The following SMTNL2 variants were observed in gnomAD, a reference collection of about 807,000 sequenced individuals.
The protein encoded by SMTNL2 is smoothelin like 2, also known as smoothelin-like protein 2.
A neutral mutation model predicts 44.1 loss-of-function variants in SMTNL2; 43 were observed. The ratio of observed to expected loss-of-function variants is 0.98; its 90% CI spans 0.76 to 1.26. The LOEUF is 1.26. Ranked by LOEUF, SMTNL2 falls within the 50% of genes most tolerant of loss-of-function variation. The pLI is 0.00. For synonymous variants in SMTNL2, 317 were observed against 287.6 expected (o/e 1.10, Z -1.03); for missense variants, 646 against 670.2 (o/e 0.96, Z 0.40).
chr17:4,602,946 G>A (rs1246996920), intron 7 of SMTNL2, among the ~76,000 whole-genome samples: 1 of 152,198 alleles, frequency 6.6e-6, no homozygotes, highest in Non-Finnish European at 1.5e-5. Context: ...CAACAGTGGG[G>A]ACCATATGGA....
chr17:4,589,387 T>C (rs1391548809), intron 1 of SMTNL2, among the ~76,000 whole-genome samples: 1 of 151,988 alleles, frequency 6.6e-6, no homozygotes, highest in Non-Finnish European at 1.5e-5. Context: ...CTGGTGACTG[T>C]GGGGGCCGGG....
Position 4,595,426 on chromosome 17 carries a change from G to A in SMTNL2, c.989+99G>A. 5 of 1,461,838 alleles carry A rather than the reference G, an allele frequency of 3.4e-6. No individual in the cohort carries two copies. Among genetic ancestry groups the A allele is most frequent in the Non-Finnish European group, 4.6e-6 (5 of 1,087,014 alleles). 90.6% of individuals were successfully genotyped at this position (1,461,838 alleles called of 1,614,324 possible). On this transcript the variant is annotated intron_variant, in intron 5 of 7. Transcript: ENST00000389313. This position sits in a 1 kb window ranked among gnomAD's most constrained non-coding sequence, Gnocchi z 5.1. ...GCAGGGCAAGGTTCAGCCCTGTCCT[G>A]TTCCCCAGGGCGCTGTTGCCCAGGA...
rs1909262968 is a variant in SMTNL2, at chr17:4,584,600, T to G, written c.-6T>G. The stretch of plus-strand genomic sequence containing the variant: ...CCCGCTCTCGACCCGCGCGCTCTGC[T>G]GGGCCATGGAGCCGGCCCCCGACGC... On this transcript the variant is annotated 5_prime_UTR_variant, in exon 1 of 8. Transcript: ENST00000389313. 8.1e-7 allele frequency: 1 copy of G among 1,233,826 alleles called. No homozygotes were observed. Among genetic ancestry groups the G allele is most frequent in the Non-Finnish European group, 1.0e-6 (1 of 988,992 alleles). The allele number at this position is 1,233,826 out of a possible 1,614,324, so 76.4% of individuals were successfully genotyped here.
intron 1 of SMTNL2, among the ~76,000 whole-genome samples, chr17:4,590,868 C>T (rs1909543533): frequency 6.6e-6 from 1 of 152,318 alleles, no homozygotes; most frequent in East Asian, 1.9e-4. Flanking sequence ...TTGTCTAAGG[C>T]GTCAAGTACC....
intron 1 of SMTNL2, among the ~76,000 whole-genome samples, chr17:4,587,733 C>T (rs74926016): frequency 0.032 from 4,949 of 152,316 alleles, 239 homozygotes; most frequent in African/African-American, 0.11. Flanking sequence ...TCCTTTCAAA[C>T]TGGGGACTGA....
At chr17:4,603,177 C>T (rs755993146) in intron 7 of SMTNL2, among the ~76,000 whole-genome samples, 11 of 152,090 alleles carry the variant, frequency 7.2e-5, no homozygotes, top group South Asian at 6.2e-4. Flanking sequence ...GGACAACACC[C>T]GGAAAATGCC....
rs368707338 is a variant in SMTNL2, at chr17:4,593,170, C to A, written c.729C>A (p.Ser243Arg). 1.8e-5 allele frequency: 28 copies of A among 1,595,664 alleles called. No individual in the cohort carries two copies. The highest frequency in any genetic ancestry group is 1.0e-4 in the South Asian group (9 of 89,520). The stretch of plus-strand genomic sequence containing the variant: ...TCACGCCCTGGACTCCCAGTCCTAG[C>A]GGTATGAGCTGGAGAGCGTGGCCTT... Reference protein sequence around the residue: ...EVITPWTPSPSEKNSSFTWSV... With the variant: ...EVITPWTPSPREKNSSFTWSV... Residue 243 changes from serine (S) to arginine (R), a missense_variant and splice_region_variant, in exon 3 of 8, where the codon AGC becomes AGA. Physicochemically the swap from Ser to Arg is moderately radical, Grantham distance 110. Coordinates refer to ENST00000389313, the MANE Select transcript of SMTNL2 (RefSeq NM_001114974.2).
rs1909910489 is a variant in SMTNL2, at chr17:4,598,619, T to A, written c.1259+1296T>A. ...CGGGTGGATTGCCTGAGCTCAGGAG[T>A]TCGAGACCAGCTTGGGCAACACGGC... is the stretch of plus-strand genomic sequence containing the variant. On this transcript the variant is annotated intron_variant, in intron 7 of 7. Transcript: ENST00000389313. This position sits in a 1 kb window ranked among gnomAD's most constrained non-coding sequence, Gnocchi z 4.8. 6.6e-6 allele frequency among the ~76,000 whole-genome samples: 1 copy of A among 151,744 alleles called. No individual in the cohort carries two copies. Among genetic ancestry groups the A allele is most frequent in the Non-Finnish European group, 1.5e-5 (1 of 67,914 alleles).
At position 4,607,470 on chromosome 17, in the gene SMTNL2, C is replaced by G. The variant is rs1177175087; in HGVS notation, c.1369C>G (p.Leu457Val). Residue 457 changes from leucine (L) to valine (V), a missense_variant, in exon 8 of 8, where the codon CTG becomes GTG. By Grantham distance (32) the Leu-to-Val change is conservative (BLOSUM62 1). Coordinates refer to ENST00000389313, the MANE Select transcript of SMTNL2 (RefSeq NM_001114974.2). The surrounding 1 kb of genome is among the most constrained non-coding windows in gnomAD (Gnocchi z 4.7). ...CTACGTCCAGTCGCTGTACAACCAC[C>G]TGCGTCGCTTCGAGTAAAGCCCCTG... ...FTYVQSLYNH[L>V]RRFE is the part of the protein sequence containing the mutation. 6.2e-7 allele frequency: 1 copy of G among 1,614,190 alleles called. No homozygotes were observed. Among genetic ancestry groups the G allele is most frequent in the Non-Finnish European group, 8.5e-7 (1 of 1,180,012 alleles).
chr17:4,606,898 A>G (rs924289343), intron 7 of SMTNL2, among the ~76,000 whole-genome samples: 1 of 152,096 alleles, frequency 6.6e-6, no homozygotes, highest in Admixed American at 6.6e-5. Context: ...CAACAAGAGC[A>G]AAACTCTGTC....
chr17:4,589,381 T>C (rs933930333), intron 1 of SMTNL2, among the ~76,000 whole-genome samples: 16 of 152,098 alleles, frequency 1.1e-4, no homozygotes, highest in African/African-American at 3.6e-4. Context: ...CAGAGCCTGG[T>C]GACTGTGGGG....
At chr17:4,589,413 G>T (rs1909472876) in intron 1 of SMTNL2, among the ~76,000 whole-genome samples, 1 of 152,114 alleles carries the variant, frequency 6.6e-6, no homozygotes. Context: ...AGCTGGACTG[G>T]CTGGTTCTCC....
intron 1 of SMTNL2, among the ~76,000 whole-genome samples, chr17:4,591,738 C>A (rs74775645): frequency 3.9e-4 from 59 of 152,306 alleles, no homozygotes; most frequent in African/African-American, 1.4e-3. Flanking sequence ...GGATCCCAGG[C>A]TCCCCACTGG....
rs757891010 is a variant in SMTNL2, at chr17:4,593,106, C to A, written c.665C>A (p.Ala222Asp). The A allele has an allele frequency of 6.2e-7, 1 of 1,613,626 alleles. No individual in the cohort carries two copies. Among genetic ancestry groups the A allele is most frequent in the Non-Finnish European group, 8.5e-7 (1 of 1,179,888 alleles). ...GCGGCTCTATCACCCATGTCTGCTG[C>A]CACCCTGGGGGGCCTCAACCCAAGC... ...SAAALSPMSA[A>D]TLGGLNPSPS... is the part of the protein sequence containing the mutation. The change falls in exon 3 of 8, where the codon GCC (alanine) becomes GAC (aspartate). Residue 222 changes from alanine to aspartate, a missense_variant. Coordinates refer to ENST00000389313, the MANE Select transcript of SMTNL2 (RefSeq NM_001114974.2).
chr17:4,601,201 C>T (rs1412194567), intron 7 of SMTNL2, among the ~76,000 whole-genome samples: 2 of 152,192 alleles, frequency 1.3e-5, no homozygotes, highest in Non-Finnish European at 2.9e-5. Flanking sequence ...ATTGCTTGAG[C>T]TTAGGAGTTT....
In SMTNL2 at chr17:4,607,671, C is replaced by CAGT. The variant is rs1597420668; in HGVS notation, c.*184_*185insAGT. 4 of 975,822 alleles carry CAGT rather than the reference C, an allele frequency of 4.1e-6. No homozygotes were observed. The East Asian group carries it at 1.1e-4, about 27-fold the overall frequency. The allele number at this position is 975,822 out of a possible 1,614,324, so 60.4% of individuals were successfully genotyped here. A position where few individuals can be genotyped will look rare whatever the true frequency, so the allele number is the denominator to read the frequency against. ...GTTACTGATTAAAAGTACTGCTGAG[C>CAGT]TGTGGTCCGACAGCACTGATCACAG... is the stretch of plus-strand genomic sequence containing the variant. On this transcript the variant is annotated 3_prime_UTR_variant, in exon 8 of 8. Transcript: ENST00000389313. The surrounding 1 kb of genome is among the most constrained non-coding windows in gnomAD (Gnocchi z 4.7).
chr17:4,595,682 A>G lies in SMTNL2; in HGVS notation c.989+355A>G, dbSNP rs1909778596. On this transcript the variant is annotated intron_variant, in intron 5 of 7. Coordinates refer to ENST00000389313, the MANE Select transcript of SMTNL2 (RefSeq NM_001114974.2). The surrounding 1 kb of genome is among the most constrained non-coding windows in gnomAD (Gnocchi z 5.1). ...GTTGTGGCTCCTCTGGTTTCTGGGC[A>G]TGACCGGGGACTGGATGGGGACTGG... Among the ~76,000 whole-genome samples the G allele has an allele frequency of 6.6e-6, 1 of 152,184 alleles. No individual in the cohort carries two copies. Among genetic ancestry groups the G allele is most frequent in the African/African-American group, 2.4e-5 (1 of 41,458 alleles).
intron 7 of SMTNL2, 119 bp downstream of exon 7, chr17:4,597,442 A>G: frequency 1.4e-6 from 2 of 1,385,246 alleles, no homozygotes; most frequent in Non-Finnish European, 2.0e-6. Context: ...AAGCTGAAGG[A>G]CCCTGGGGCC....
intron 1 of SMTNL2, among the ~76,000 whole-genome samples, chr17:4,585,386 C>A (rs1012354706): frequency 6.6e-6 from 1 of 152,264 alleles, no homozygotes; most frequent in African/African-American, 2.4e-5. Flanking sequence ...GCCTGACCCC[C>A]ACCCTCCATT....
Sources: gnomAD v4.1 joint callset for allele counts (sites outside exome capture counted in the v4.1 genomes callset) on GRCh38, gnomAD v4.1.1 for gene constraint, Gnocchi (gnomAD v3.1) non-coding constraint, MANE v1.5 for transcripts, NCBI Gene and HGNC (gene_info 2026-07-23, HGNC 2026-07-21) for gene names.